The following CEP128 variants were observed in gnomAD, a reference collection of about 807,000 sequenced individuals.
CEP128 encodes the protein centrosomal protein 128kDa.
Under a neutral mutation model 156.7 loss-of-function variants are expected in CEP128, and 132 were observed. That is an observed-to-expected ratio of 0.84 (90% CI 0.73 to 0.97). CEP128 has a LOEUF of 0.97. Among genes scored for constraint, CEP128 ranks in the 50% least tolerant of loss-of-function variants. CEP128 has a pLI of 0.00. For missense variants in CEP128, 1,252 were observed against 1,281.9 expected (o/e 0.98, Z 0.36); for synonymous variants, 469 against 448.9 (o/e 1.04, Z -0.57).
chr14:80,483,034 C>G (rs144502211), intron 14 of CEP128, among the ~76,000 whole-genome samples: 130 of 152,262 alleles, frequency 8.5e-4, no homozygotes, highest in African/African-American at 3.0e-3. Context: ...AAAGACTGAC[C>G]TGCCATATCC....
intron 8 of CEP128, among the ~76,000 whole-genome samples, chr14:80,890,020 T>TG (rs1188848721): frequency 6.6e-6 from 1 of 152,142 alleles, no homozygotes; most frequent in African/African-American, 2.4e-5. Context: ...AACAATCATG[T>TG]GAAAAAAAGC....
chr14:80,624,987 T>C (rs545141577), intron 19 of CEP128, among the ~76,000 whole-genome samples: 1 of 152,348 alleles, frequency 6.6e-6, no homozygotes, highest in South Asian at 2.1e-4. Context: ...CAAGAAATCT[T>C]TGCCTAGACC....
intron 18 of CEP128, among the ~76,000 whole-genome samples, chr14:80,753,054 G>A (rs1899472057): frequency 6.6e-6 from 1 of 151,944 alleles, no homozygotes; most frequent in Admixed American, 6.6e-5. Flanking sequence ...CCAGTACTTG[G>A]GAATTAATAT....
At chr14:80,786,142 G>C (rs1015825129) in intron 14 of CEP128, among the ~76,000 whole-genome samples, 1 of 152,168 alleles carries the variant, frequency 6.6e-6, no homozygotes, top group African/African-American at 2.4e-5. Context: ...GGTTGGGAAA[G>C]GGCTCAAGAG....
chr14:80,735,121 C>G (rs893213408), intron 19 of CEP128, among the ~76,000 whole-genome samples: 2 of 151,648 alleles, frequency 1.3e-5, no homozygotes, highest in African/African-American at 4.8e-5. Context: ...ATTTTTTTTC[C>G]TGTGATTTTT....
At chr14:80,844,967 G>C (rs1886526870) in intron 9 of CEP128, among the ~76,000 whole-genome samples, 1 of 152,060 alleles carries the variant, frequency 6.6e-6, no homozygotes, top group Non-Finnish European at 1.5e-5. Context: ...ACAAGGTCAT[G>C]AGTTTAATCA....
chr14:80,822,379 T>C (rs560159869), intron 13 of CEP128: 3 of 387,148 alleles, frequency 7.7e-6, no homozygotes, highest in African/African-American at 4.2e-5. Context: ...ACTGGCCCCA[T>C]GCAAGTCCAA....
At chr14:80,838,342 G>A in intron 10 of CEP128, 64 bp from the exon 11 acceptor site, 1 of 1,177,046 alleles carries the variant, frequency 8.5e-7, no homozygotes, top group Non-Finnish European at 1.3e-6. Context: ...AAATTATTAT[G>A]GGCACAGTTT....
At chr14:80,722,385 C>A (rs558502161) in intron 19 of CEP128, among the ~76,000 whole-genome samples, 2 of 152,130 alleles carry the variant, frequency 1.3e-5, no homozygotes, top group South Asian at 2.1e-4. Flanking sequence ...TTGTGAGACC[C>A]CATTCTAAAA....
At chr14:80,488,773 G>A (rs1375863270), downstream of CEP128, among the ~76,000 whole-genome samples, 35 of 151,646 alleles carry the variant, frequency 2.3e-4, no homozygotes, top group Non-Finnish European at 1.5e-5. Flanking sequence ...AGAAAATGTG[G>A]CACATACACA....
chr14:80,891,933 A>G (rs908401270), intron 8 of CEP128, among the ~76,000 whole-genome samples: 3 of 152,000 alleles, frequency 2.0e-5, no homozygotes, highest in African/African-American at 7.2e-5. Context: ...GAAAAAATAA[A>G]TGAAAAGATA....
At chr14:80,638,470 C>T (rs951710324) in intron 19 of CEP128, among the ~76,000 whole-genome samples, 2 of 152,130 alleles carry the variant, frequency 1.3e-5, no homozygotes, top group African/African-American at 4.8e-5. Context: ...GCTCTTCCCC[C>T]GATGTGCGTA....
At chr14:80,788,454 C>CA (rs371886649) in intron 14 of CEP128, among the ~76,000 whole-genome samples, 27 of 152,074 alleles carry the variant, frequency 1.8e-4, no homozygotes, top group Middle Eastern at 3.4e-3. Flanking sequence ...CCACCTTAAA[C>CA]AAACAAACAG....
intron 10 of CEP128, among the ~76,000 whole-genome samples, chr14:80,839,581 T>C (rs1484022666): frequency 6.6e-6 from 1 of 152,126 alleles, no homozygotes; most frequent in Non-Finnish European, 1.5e-5. Context: ...AAGTAGATTG[T>C]ACCAACACCA....
intron 19 of CEP128, among the ~76,000 whole-genome samples, chr14:80,608,029 G>A (rs993806254): frequency 6.6e-6 from 1 of 152,068 alleles, no homozygotes; most frequent in Non-Finnish European, 1.5e-5. Context: ...TTGCTGCAAC[G>A]AGTTCTTCTG....
chr14:80,957,307 A>G (rs929057943), intron 2 of CEP128, among the ~76,000 whole-genome samples: 1 of 152,104 alleles, frequency 6.6e-6, no homozygotes. Context: ...CGTTCTCTGC[A>G]TGAACCTAAC....
Position 80,573,089 on chromosome 14 carries a change from A to ATTTT in CEP128, c.2856+7281_2856+7284dup, listed in dbSNP as rs34024851. ...AGGTGTGGGCTACCACGCCTGACTA[A>ATTTT]TTTTTTTTTTTTTTTAGTAGAGACG... On this transcript the variant is annotated intron_variant, in intron 20 of 24. Coordinates refer to ENST00000555265, the MANE Select transcript of CEP128 (RefSeq NM_152446.5). Among the ~76,000 whole-genome samples the ATTTT allele has an allele frequency of 6.8e-3, 984 of 144,832 alleles. 20 individuals are homozygous for ATTTT. Among genetic ancestry groups the ATTTT allele is most frequent in the African/African-American group, 0.023 (901 of 39,350 alleles).
intron 19 of CEP128, among the ~76,000 whole-genome samples, chr14:80,632,984 C>A (rs1046331878): frequency 6.6e-6 from 1 of 151,926 alleles, no homozygotes; most frequent in African/African-American, 2.4e-5. Context: ...TCCAGTACTT[C>A]GGGAGGCTGG....
intron 13 of CEP128, among the ~76,000 whole-genome samples, chr14:80,802,412 T>C (rs559314841): frequency 1.3e-5 from 2 of 152,054 alleles, no homozygotes; most frequent in South Asian, 4.2e-4. Context: ...CTGGAAGCCA[T>C]CCTCCTCAGC....
Sources: gnomAD v4.1 joint callset for allele counts (sites outside exome capture counted in the v4.1 genomes callset) on GRCh38, gnomAD v4.1.1 for gene constraint, MANE v1.5 for transcripts, NCBI Gene and HGNC (gene_info 2026-07-23, HGNC 2026-07-21) for gene names.